Variants in NRCAM observed in about 807,000 individuals in gnomAD.
NRCAM encodes neuronal cell adhesion molecule.
In NRCAM, 83 loss-of-function variants were observed where a neutral mutation model predicts 156.5. That is an observed-to-expected ratio of 0.53 (90% CI 0.44 to 0.64). The LOEUF is 0.64. Among genes scored for constraint, NRCAM ranks in the 30% least tolerant of loss-of-function variants. The probability of loss-of-function intolerance (pLI) is 0.00; values close to 1 mark genes in which losing one functional copy is unlikely to be tolerated. For synonymous variants in NRCAM, 538 were observed against 563.9 expected (o/e 0.95, Z 0.65); for missense variants, 1,417 against 1,597.3 (o/e 0.89, Z 1.92).
intron 2 of NRCAM, among the ~76,000 whole-genome samples, chr7:108,378,689 A>G (rs2099687398): frequency 7.4e-6 from 1 of 135,708 alleles, no homozygotes; most frequent in Admixed American, 7.4e-5. Flanking sequence ...ACACACACAC[A>G]AACTCCAAGA....
At chr7:108,234,499 T>C (rs1442376397) in intron 6 of NRCAM, 84 bp downstream of exon 6, 1 of 885,046 alleles carries the variant, frequency 1.1e-6, no homozygotes, top group Non-Finnish European at 1.8e-6. Context: ...CCTTGTTTGA[T>C]GGAAATTCCC....
At chr7:108,231,503 T>TA (rs2094324730) in intron 7 of NRCAM, among the ~76,000 whole-genome samples, 1 of 151,684 alleles carries the variant, frequency 6.6e-6, no homozygotes, top group African/African-American at 2.4e-5. Flanking sequence ...AATAAAGAAT[T>TA]ACACATCTAC....
At chr7:108,176,731 T>C (rs1329999580) in intron 26 of NRCAM, 125 bp from the exon 27 acceptor site, 1 of 682,776 alleles carries the variant, frequency 1.5e-6, no homozygotes, top group South Asian at 2.0e-5. Context: ...TCCCACTCAC[T>C]CTTTCCCCAG....
chr7:108,256,545 T>C (rs1257224103), intron 3 of NRCAM, among the ~76,000 whole-genome samples: 1 of 151,610 alleles, frequency 6.6e-6, no homozygotes, highest in Non-Finnish European at 1.5e-5. Flanking sequence ...CATGTTTATC[T>C]GCTGACCTTC....
intron 3 of NRCAM, among the ~76,000 whole-genome samples, chr7:108,258,199 T>G (rs1009230178): frequency 6.6e-6 from 1 of 152,182 alleles, no homozygotes; most frequent in Non-Finnish European, 1.5e-5. Flanking sequence ...GGCCGAAACA[T>G]GCTCCAGGTT....
chr7:108,277,143 C>T (rs1442083716), intron 3 of NRCAM, among the ~76,000 whole-genome samples: 2 of 152,184 alleles, frequency 1.3e-5, no homozygotes, highest in Non-Finnish European at 2.9e-5. Context: ...GGTAACCCGA[C>T]CTTTCTCTCT....
At chr7:108,313,008 G>A (rs1229153892) in intron 2 of NRCAM, among the ~76,000 whole-genome samples, 1 of 152,072 alleles carries the variant, frequency 6.6e-6, no homozygotes, top group Non-Finnish European at 1.5e-5. Flanking sequence ...TCAGTTTAGA[G>A]GAATAAAGGT....
At chr7:108,348,237 TGTGA>T (rs1012940159) in intron 2 of NRCAM, among the ~76,000 whole-genome samples, 1 of 152,112 alleles carries the variant, frequency 6.6e-6, no homozygotes, top group Non-Finnish European at 1.5e-5. Flanking sequence ...TGCATGTGTG[TGTGA>T]GTGAGTGAAT....
At chr7:108,332,126 T>A (rs1345468247) in intron 2 of NRCAM, among the ~76,000 whole-genome samples, 1 of 152,148 alleles carries the variant, frequency 6.6e-6, no homozygotes, top group Non-Finnish European at 1.5e-5. Flanking sequence ...GTCACGTCAT[T>A]TGAGGAAAGT....
chr7:108,393,761 C>T (rs1327316441), intron 2 of NRCAM, among the ~76,000 whole-genome samples: 1 of 152,146 alleles, frequency 6.6e-6, no homozygotes, highest in African/African-American at 2.4e-5. Flanking sequence ...AGTGCCTGGG[C>T]TAGATTGTCA....
intron 23 of NRCAM, among the ~76,000 whole-genome samples, chr7:108,182,284 T>TC (rs901754440): frequency 1.8e-4 from 27 of 150,876 alleles, no homozygotes; most frequent in African/African-American, 5.1e-4. Flanking sequence ...GATTTTTTTT[T>TC]CCCCCCAAAA....
intron 4 of NRCAM, 84 bp from the exon 5 acceptor site, chr7:108,237,853 T>C: frequency 9.7e-7 from 1 of 1,033,300 alleles, no homozygotes; most frequent in Non-Finnish European, 1.4e-6. Context: ...GTTAGAACTC[T>C]GAAGATAAAG....
chr7:108,184,311 T>G lies in NRCAM; in HGVS notation c.2234A>C (p.Glu745Ala), dbSNP rs2065349673. ...CACAGCTGTGGGGTTTTTATCTGGT[T>G]CTGGAAGTTAAGCAGCCACACATGT... is the stretch of plus-strand genomic sequence containing the variant. Reference protein sequence around the residue: ...ASEQYLTKASEPDKNPTAVEG... With the variant: ...ASEQYLTKASAPDKNPTAVEG... Residue 745 changes from glutamate (E) to alanine (A), a missense_variant and splice_region_variant, in exon 22 of 33, where the codon GAA (glutamate) becomes GCA (alanine). By Grantham distance (107) the Glu-to-Ala change is moderately radical. Transcript: ENST00000379028. 2 of 1,614,198 alleles carry G rather than the reference T, an allele frequency of 1.2e-6. No homozygotes were observed. The highest frequency in any genetic ancestry group is 4.5e-5 in the East Asian group (2 of 44,888).
intron 13 of NRCAM, among the ~76,000 whole-genome samples, chr7:108,203,020 T>C (rs1446367241): frequency 6.6e-6 from 1 of 152,044 alleles, no homozygotes; most frequent in African/African-American, 2.4e-5. Flanking sequence ...TGGCACAGGC[T>C]CTCCAGTGGG....
chr7:108,368,234 A>ACCCC (rs1372350824), intron 2 of NRCAM, among the ~76,000 whole-genome samples: 96 of 60,374 alleles, frequency 1.6e-3, no homozygotes, highest in Middle Eastern at 8.9e-3. Flanking sequence ...ACCCCCCCCC[A>ACCCC]CCCCCCCGCC....
rs1185295202 is a variant in NRCAM, at chr7:108,239,982, C to T, written c.83G>A (p.Ser28Asn). Residue 28 changes from serine (S) to asparagine (N), a missense_variant, in exon 4 of 33, where the codon AGT becomes AAT. By Grantham distance (46) the Ser-to-Asn change is conservative. Transcript: ENST00000379028. ...PLILFLCQMI[S>N]ALEVPLDPKL... ...ACGATCAAGAGGTACTTCCAGTGCA[C>T]TAATCATCTGGCACAGGAAGAGAAT... 6.2e-7 allele frequency: 1 copy of T among 1,611,600 alleles called. No individual in the cohort carries two copies. The highest frequency in any genetic ancestry group is 2.2e-5 in the East Asian group (1 of 44,858).
intron 3 of NRCAM, among the ~76,000 whole-genome samples, chr7:108,311,036 G>A (rs556174668): frequency 3.7e-4 from 57 of 152,278 alleles, no homozygotes; most frequent in African/African-American, 1.3e-3. Flanking sequence ...GCTAGGAAGT[G>A]GGAGAGCACC....
At chr7:108,225,309 T>A (rs528119085) in intron 10 of NRCAM, among the ~76,000 whole-genome samples, 23 of 152,322 alleles carry the variant, frequency 1.5e-4, no homozygotes, top group Middle Eastern at 6.8e-3. Flanking sequence ...TGCCAACTCT[T>A]ACTTAGTTCA....
intron 2 of NRCAM, among the ~76,000 whole-genome samples, chr7:108,368,224 A>ACCCCC (rs67897117): frequency 1.1e-5 from 1 of 91,058 alleles, no homozygotes; most frequent in African/African-American, 4.0e-5. Flanking sequence ...ACACTTTCAT[A>ACCCCC]CCCCCCCCCA....
Sources: gnomAD v4.1 joint callset for allele counts (sites outside exome capture counted in the v4.1 genomes callset) on GRCh38, gnomAD v4.1.1 for gene constraint, MANE v1.5 for transcripts, NCBI Gene and HGNC (gene_info 2026-07-23, HGNC 2026-07-21) for gene names.